Variants in STK32B observed in about 807,000 individuals in gnomAD.
STK32B encodes the protein serine/threonine-protein kinase 32B.
Under a neutral mutation model 52.6 loss-of-function variants are expected in STK32B, and 43 were observed. The ratio of observed to expected loss-of-function variants is 0.82; its 90% confidence interval spans 0.64 to 1.05. The LOEUF (loss-of-function observed/expected upper bound fraction) is 1.05. Among genes scored for constraint, STK32B ranks in the 50% least tolerant of loss-of-function variants. The pLI, the probability that STK32B is intolerant of heterozygous loss-of-function variation, is 0.00. For missense variants in STK32B, 621 were observed against 534.6 expected (o/e 1.16, Z -1.59); for synonymous variants, 238 against 204.3 (o/e 1.17, Z -1.41).
chr4:5,316,182 AATAT>A (rs1381245851), intron 3 of STK32B, among the ~76,000 whole-genome samples: 1 of 89,028 alleles, frequency 1.1e-5, no homozygotes, highest in East Asian at 2.6e-4. Flanking sequence ...TATATAACTA[AATAT>A]ATATATTTAG....
intron 2 of STK32B, among the ~76,000 whole-genome samples, chr4:5,157,311 A>AAAAAAC (rs772366956): frequency 0.013 from 2,021 of 151,292 alleles, 50 homozygotes; most frequent in South Asian, 0.063. Flanking sequence ...AAAAAAAAAA[A>AAAAAAC]AAAAAAAAAG....
intron 4 of STK32B, among the ~76,000 whole-genome samples, chr4:5,338,291 C>T (rs1421559278): frequency 1.3e-5 from 2 of 152,128 alleles, no homozygotes; most frequent in Non-Finnish European, 2.9e-5. Flanking sequence ...AGATATTGTT[C>T]AGCGTAATAC....
chr4:5,350,467 A>G (rs916359799), intron 4 of STK32B, among the ~76,000 whole-genome samples: 3 of 152,198 alleles, frequency 2.0e-5, no homozygotes, highest in Admixed American at 1.3e-4. Flanking sequence ...AAAACACACA[A>G]AAATATGAAA....
At chr4:5,298,159 T>C (rs1446869072) in intron 3 of STK32B, among the ~76,000 whole-genome samples, 1 of 152,188 alleles carries the variant, frequency 6.6e-6, no homozygotes, top group Non-Finnish European at 1.5e-5. Context: ...CCCTGGAAGC[T>C]TCCTCCCAGA....
intron 3 of STK32B, among the ~76,000 whole-genome samples, chr4:5,318,071 C>G (rs147734367): frequency 1.5e-3 from 225 of 152,068 alleles, no homozygotes; most frequent in African/African-American, 5.1e-3. Flanking sequence ...AGTCTTGGCT[C>G]TCAGGGCTTG....
intron 4 of STK32B, among the ~76,000 whole-genome samples, chr4:5,352,002 G>A (rs1733858899): frequency 6.6e-6 from 1 of 152,042 alleles, no homozygotes; most frequent in African/African-American, 2.4e-5. Context: ...TGGCTTCACT[G>A]CCAAATTATA....
At chr4:5,130,921 T>C (rs967512985) in intron 1 of STK32B, among the ~76,000 whole-genome samples, 1 of 152,208 alleles carries the variant, frequency 6.6e-6, no homozygotes, top group East Asian at 1.9e-4. Context: ...TTATTCCTCA[T>C]GTATATGCTC....
intron 2 of STK32B, among the ~76,000 whole-genome samples, chr4:5,156,078 C>G (rs1354251755): frequency 1.3e-5 from 2 of 151,570 alleles, no homozygotes; most frequent in Non-Finnish European, 2.9e-5. Context: ...CATAGATACA[C>G]ATACATGTAT....
At chr4:5,383,341 T>C (rs1186073464) in intron 4 of STK32B, among the ~76,000 whole-genome samples, 1 of 152,180 alleles carries the variant, frequency 6.6e-6, no homozygotes, top group Non-Finnish European at 1.5e-5. Flanking sequence ...CCCCTGGGAC[T>C]CAACAGCTGT....
intron 1 of STK32B, among the ~76,000 whole-genome samples, chr4:5,118,053 G>A (rs935301360): frequency 2.0e-5 from 3 of 152,168 alleles, no homozygotes; most frequent in Admixed American, 2.0e-4. Context: ...TGATATCAGG[G>A]TAATGCTGGA....
At chr4:5,272,368 G>T (rs1402692334) in intron 3 of STK32B, among the ~76,000 whole-genome samples, 1 of 146,098 alleles carries the variant, frequency 6.8e-6, no homozygotes, top group Non-Finnish European at 1.5e-5. Flanking sequence ...CTTGATCATG[G>T]TGGATAAGCT....
chr4:5,070,480 A>G (rs1711691792), intron 1 of STK32B, among the ~76,000 whole-genome samples: 2 of 152,178 alleles, frequency 1.3e-5, no homozygotes, highest in South Asian at 4.1e-4. Flanking sequence ...GAAAACAATA[A>G]AAGTCCTTGG....
In STK32B at chr4:5,497,053, A is replaced by T. The variant is rs562792197; in HGVS notation, c.1107-1892A>T. ...TGAGGCAGTCTTTGAGTTTTCAACA[A>T]TTTTTTTTTAGCCTCAAGATATCAA... is the stretch of plus-strand genomic sequence containing the variant. On this transcript the variant is annotated intron_variant, in intron 11 of 11. Coordinates refer to ENST00000282908, the MANE Select transcript of STK32B (RefSeq NM_018401.3). Among the ~76,000 whole-genome samples, 672 of 151,664 alleles carry T rather than the reference A, an allele frequency of 4.4e-3. 6 individuals are homozygous for T. Among genetic ancestry groups the T allele is most frequent in the Non-Finnish European group, 7.0e-3 (478 of 67,828 alleles).
At chr4:5,444,349 G>T (rs1715155976) in intron 6 of STK32B, among the ~76,000 whole-genome samples, 2 of 152,232 alleles carry the variant, frequency 1.3e-5, no homozygotes, top group Non-Finnish European at 2.9e-5. Context: ...ATTTGGGTGG[G>T]AGTGACCCGA....
At chr4:5,213,643 AC>A (rs994802120) in intron 3 of STK32B, among the ~76,000 whole-genome samples, 10 of 152,194 alleles carry the variant, frequency 6.6e-5, no homozygotes, top group African/African-American at 2.4e-4. Flanking sequence ...TTTAGTAAAA[AC>A]CTGCTTCTTT....
intron 3 of STK32B, among the ~76,000 whole-genome samples, chr4:5,307,588 G>T (rs1577321464): frequency 1.4e-5 from 2 of 141,430 alleles, no homozygotes; most frequent in African/African-American, 2.7e-5. Context: ...CCTTTCTCTA[G>T]TACCTCCTTG....
chr4:5,167,436 T>C (rs1718967108), intron 2 of STK32B, among the ~76,000 whole-genome samples: 1 of 152,092 alleles, frequency 6.6e-6, no homozygotes, highest in East Asian at 1.9e-4. Context: ...ACTGTCATCA[T>C]AGCTGTCCCC....
intron 3 of STK32B, among the ~76,000 whole-genome samples, chr4:5,257,542 T>C (rs1056895598): frequency 2.6e-5 from 4 of 152,216 alleles, no homozygotes; most frequent in African/African-American, 9.6e-5. Flanking sequence ...GCTTCTACCC[T>C]TGGGCTCCTG....
intron 4 of STK32B, among the ~76,000 whole-genome samples, chr4:5,358,751 A>G (rs1734344055): frequency 6.6e-6 from 1 of 152,120 alleles, no homozygotes; most frequent in African/African-American, 2.4e-5. Context: ...AGTTGCATAT[A>G]TTTATATCAT....
Sources: allele counts gnomAD v4.1 joint callset (sites outside exome capture counted in the v4.1 genomes callset), GRCh38; gene constraint gnomAD v4.1.1; transcripts MANE v1.5; gene names NCBI Gene and HGNC (gene_info 2026-07-23, HGNC 2026-07-21).